CTDSPL2: variants seen among roughly 807,000 people sequenced by gnomAD.
CTDSPL2 encodes CTD small phosphatase like 2.
In CTDSPL2, 5 loss-of-function variants were observed where a neutral mutation model predicts 60.0. The ratio of observed to expected loss-of-function variants is 0.08; its 90% CI spans 0.04 to 0.18. The LOEUF (loss-of-function observed/expected upper bound fraction) is 0.18, where lower values mean the gene tolerates loss of function less well. Among genes scored for constraint, CTDSPL2 ranks in the 10% least tolerant of loss-of-function variants. The pLI, the probability that CTDSPL2 is intolerant of heterozygous loss-of-function variation, is 1.00. For synonymous variants in CTDSPL2, 186 were observed against 189.3 expected (o/e 0.98, Z 0.14); for missense variants, 370 against 548.8 (o/e 0.67, Z 3.26).
At chr15:44,437,275 A>G (rs1234316881) in intron 1 of CTDSPL2, among the ~76,000 whole-genome samples, 1 of 152,238 alleles carries the variant, frequency 6.6e-6, no homozygotes, top group Non-Finnish European at 1.5e-5. Flanking sequence ...AAGAGGGCAC[A>G]TAAGTAAGTT....
At chr15:44,490,265 G>A (rs544206019) in intron 4 of CTDSPL2, among the ~76,000 whole-genome samples, 1 of 152,188 alleles carries the variant, frequency 6.6e-6, no homozygotes, top group South Asian at 2.1e-4. Flanking sequence ...AGCCTCATGA[G>A]TAGCTGGGAT....
chr15:44,510,229 C>T (rs2081543028), intron 8 of CTDSPL2, among the ~76,000 whole-genome samples: 1 of 152,174 alleles, frequency 6.6e-6, no homozygotes, highest in South Asian at 2.1e-4. Context: ...AACTCCTGAC[C>T]TCAGGCGATC....
intron 8 of CTDSPL2, among the ~76,000 whole-genome samples, chr15:44,509,305 G>GATTCTCCT (rs1347907872): frequency 2.0e-5 from 3 of 152,208 alleles, no homozygotes; most frequent in Non-Finnish European, 2.9e-5. Context: ...CTGTTCCAGT[G>GATTCTCCT]ATTCTCCTGC....
intron 2 of CTDSPL2, among the ~76,000 whole-genome samples, chr15:44,459,754 T>C (rs1164767512): frequency 6.6e-6 from 1 of 152,208 alleles, no homozygotes; most frequent in African/African-American, 2.4e-5. Flanking sequence ...CCTTGTTCTT[T>C]TACTTGAGTT....
intron 1 of CTDSPL2, chr15:44,447,629 C>T (rs573304190): frequency 2.0e-3 from 315 of 154,220 alleles, no homozygotes; most frequent in Non-Finnish European, 3.8e-3. Context: ...TGCCAGTCAT[C>T]ATCTGACAGG....
intron 1 of CTDSPL2, among the ~76,000 whole-genome samples, chr15:44,442,292 A>G (rs2141283163): frequency 6.6e-6 from 1 of 152,140 alleles, no homozygotes; most frequent in African/African-American, 2.4e-5. Context: ...CTCTACTAAA[A>G]TTACAAAAAG....
chr15:44,431,605 T>A (rs2079857864), intron 1 of CTDSPL2, among the ~76,000 whole-genome samples: 1 of 152,180 alleles, frequency 6.6e-6, no homozygotes, highest in South Asian at 2.1e-4. Flanking sequence ...GTTGACAATA[T>A]TAGCACAGAT....
intron 1 of CTDSPL2, chr15:44,448,034 C>G (rs1014791205): frequency 4.2e-6 from 1 of 236,526 alleles, no homozygotes; most frequent in South Asian, 5.3e-5. Context: ...TCCGGATGTT[C>G]CAGGTTGTTG....
At chr15:44,487,960 A>G (rs1595750044) in intron 4 of CTDSPL2, among the ~76,000 whole-genome samples, 1 of 152,066 alleles carries the variant, frequency 6.6e-6, no homozygotes, top group East Asian at 1.9e-4. Context: ...CTAAAGAAAA[A>G]TACAAAAGTT....
chr15:44,433,767 T>G (rs913446913), intron 1 of CTDSPL2, among the ~76,000 whole-genome samples: 1 of 149,152 alleles, frequency 6.7e-6, no homozygotes, highest in Non-Finnish European at 1.5e-5. Flanking sequence ...CTGACCAACA[T>G]GGTAAAACCC....
At chr15:44,479,454 C>T (rs1181826471) in intron 2 of CTDSPL2, among the ~76,000 whole-genome samples, 1 of 143,362 alleles carries the variant, frequency 7.0e-6, no homozygotes, top group Non-Finnish European at 1.5e-5. Flanking sequence ...CTCTGTTGCC[C>T]AGGTTGCAGT....
Position 44,524,306 on chromosome 15 carries a change from C to T in CTDSPL2, c.*132C>T. On this transcript the variant is annotated 3_prime_UTR_variant, in exon 13 of 13. Coordinates refer to ENST00000260327, the MANE Select transcript of CTDSPL2 (RefSeq NM_016396.3). ...TCTTGCTTTTCTTATCTTTGGTGCC[C>T]AATAATAATTAAGGGTTACAGAAAG... is the stretch of plus-strand genomic sequence containing the variant. The T allele has an allele frequency of 1.5e-6, 1 of 687,672 alleles. No individual in the cohort carries two copies. Among genetic ancestry groups the T allele is most frequent in the East Asian group, 2.7e-5 (1 of 37,448 alleles). 42.6% of individuals were successfully genotyped at this position (687,672 alleles called of 1,614,324 possible).
At chr15:44,500,413 A>G (rs2081366325) in intron 8 of CTDSPL2, among the ~76,000 whole-genome samples, 1 of 152,218 alleles carries the variant, frequency 6.6e-6, no homozygotes, top group Non-Finnish European at 1.5e-5. Flanking sequence ...TGTGCTGGCC[A>G]TAGTTTTTAC....
intron 2 of CTDSPL2, among the ~76,000 whole-genome samples, chr15:44,469,196 C>G (rs897973957): frequency 1.3e-5 from 2 of 152,160 alleles, no homozygotes; most frequent in African/African-American, 2.4e-5. Flanking sequence ...CAGACAACCA[C>G]TGGAGGGTTT....
At chr15:44,435,604 AGTT>A (rs1221485258) in intron 1 of CTDSPL2, among the ~76,000 whole-genome samples, 1 of 145,068 alleles carries the variant, frequency 6.9e-6, no homozygotes, top group Non-Finnish European at 1.5e-5. Flanking sequence ...CCTGTTGTAG[AGTT>A]GTTTTTTTTT....
At chr15:44,448,275 G>T in intron 1 of CTDSPL2, 1 of 286,590 alleles carries the variant, frequency 3.5e-6, no homozygotes, top group East Asian at 9.6e-5. Flanking sequence ...CTGTGTGCTG[G>T]ATGCTAGAGG....
chr15:44,428,715 G>A (rs2079797600), intron 1 of CTDSPL2, among the ~76,000 whole-genome samples: 1 of 152,284 alleles, frequency 6.6e-6, no homozygotes, highest in South Asian at 2.1e-4. Flanking sequence ...ACAAATTAGT[G>A]ACTTGAAATG....
Position 44,496,476 on chromosome 15 carries a change from C to T in CTDSPL2, c.770+18C>T, listed in dbSNP as rs774026080. Reference sequence around the variant, plus strand: ...TTTGACCCGTGAGTTGCTTTTTTCTCTTTTTTTCTTTCCTTTTTGGAGCAT... The same window carrying T: ...TTTGACCCGTGAGTTGCTTTTTTCTTTTTTTTTCTTTCCTTTTTGGAGCAT... On this transcript the variant is annotated intron_variant, in intron 6 of 12. Transcript: ENST00000260327. 4 of 1,592,214 alleles carry T rather than the reference C, an allele frequency of 2.5e-6. No individual in the cohort carries two copies. In the South Asian group the frequency reaches 3.3e-5, roughly 13 times the overall value.
chr15:44,455,975 C>G (rs1159063593), intron 1 of CTDSPL2, among the ~76,000 whole-genome samples: 1 of 150,546 alleles, frequency 6.6e-6, no homozygotes, highest in Admixed American at 6.6e-5. Context: ...CTCAGCCTCC[C>G]GAGTAGCTGG....
Sources: gnomAD v4.1 joint callset for allele counts (sites outside exome capture counted in the v4.1 genomes callset) on GRCh38, gnomAD v4.1.1 for gene constraint, MANE v1.5 for transcripts, NCBI Gene and HGNC (gene_info 2026-07-23, HGNC 2026-07-21) for gene names.